The following MYOF variants were observed in gnomAD, a reference collection of about 807,000 sequenced individuals.
MYOF encodes myoferlin, also known as fer-1-like 3, myoferlin.
MYOF carries 244 observed loss-of-function variants against 284.2 expected under a neutral mutation model. The observed-to-expected ratio is 0.86, with a 90% CI of 0.77 to 0.95. The LOEUF (loss-of-function observed/expected upper bound fraction) is 0.95, where lower values mean the gene tolerates loss of function less well. Among genes scored for constraint, MYOF ranks in the 40% least tolerant of loss-of-function variants. The probability of loss-of-function intolerance (pLI) is 0.00; values close to 1 mark genes in which losing one functional copy is unlikely to be tolerated. For missense variants in MYOF, 2,496 were observed against 2,560.6 expected, an observed-to-expected ratio of 0.97 and a Z score of 0.54; for synonymous variants, 904 against 919.7, an observed-to-expected ratio of 0.98 and a Z score of 0.31.
intron 1 of MYOF, among the ~76,000 whole-genome samples, chr10:93,464,446 C>A (rs537019770): frequency 2.6e-5 from 4 of 152,152 alleles, no homozygotes; most frequent in Non-Finnish European, 4.4e-5. Flanking sequence ...GGAAGTAACA[C>A]GATGGTAACA....
intron 4 of MYOF, among the ~76,000 whole-genome samples, chr10:93,427,089 T>C (rs2134197666): frequency 6.6e-6 from 1 of 151,248 alleles, no homozygotes; most frequent in African/African-American, 2.4e-5. Context: ...GGTTTCATCT[T>C]GTTGGCCAGG....
At position 93,340,177 on chromosome 10, in the gene MYOF, A is replaced by G; in HGVS notation, c.4327-13T>C. The G allele has an allele frequency of 2.5e-6, 4 of 1,614,068 alleles. No homozygotes were observed. Among genetic ancestry groups the G allele is most frequent in the Non-Finnish European group, 2.5e-6 (3 of 1,179,946 alleles). ...CCTTTTCTGTCAGCTGCTCGTGCAC[A>G]TGTCCCGTGAGGAAGAGGGCAAACC... On this transcript the variant is annotated splice_polypyrimidine_tract_variant and intron_variant, in intron 38 of 53. Coordinates refer to ENST00000359263, the MANE Select transcript of MYOF (RefSeq NM_013451.4).
intron 2 of MYOF, 81 bp downstream of exon 2, chr10:93,456,801 A>G (rs2056754966): frequency 4.0e-6 from 4 of 1,006,250 alleles, no homozygotes; most frequent in Non-Finnish European, 6.1e-6. Flanking sequence ...TCCGAAGGGA[A>G]GAGGTAACCT....
intron 1 of MYOF, among the ~76,000 whole-genome samples, chr10:93,468,810 G>T (rs943945392): frequency 6.6e-6 from 1 of 152,248 alleles, no homozygotes. Context: ...CAGAGGGAGA[G>T]CTGGGAGTCA....
intron 5 of MYOF, among the ~76,000 whole-genome samples, chr10:93,417,369 G>A (rs1297861032): frequency 2.0e-5 from 3 of 152,042 alleles, no homozygotes; most frequent in East Asian, 1.9e-4. Flanking sequence ...CTTTCCAGAC[G>A]CTCAGCAGCA....
intron 38 of MYOF, 27 bp downstream of exon 38, chr10:93,343,829 C>A: frequency 6.2e-7 from 1 of 1,610,078 alleles, no homozygotes; most frequent in Non-Finnish European, 8.5e-7. Flanking sequence ...AAACTGACAG[C>A]ATCCACTGAT....
chr10:93,348,858 A>T (rs1844368774), intron 36 of MYOF, among the ~76,000 whole-genome samples: 2 of 152,156 alleles, frequency 1.3e-5, no homozygotes, highest in Non-Finnish European at 2.9e-5. Flanking sequence ...GAATGCACCA[A>T]GCCCTACACT....
At chr10:93,425,880 C>T (rs1848567569) in intron 5 of MYOF, 191 bp downstream of exon 5, 1 of 608,770 alleles carries the variant, frequency 1.6e-6, no homozygotes, top group Admixed American at 2.9e-5. Context: ...TCCCCTCTAC[C>T]TTGAAGGGCA....
chr10:93,308,919 C>G (rs778773883), intron 53 of MYOF, among the ~76,000 whole-genome samples: 1 of 152,120 alleles, frequency 6.6e-6, no homozygotes, highest in Admixed American at 6.5e-5. Flanking sequence ...GCTATGTTGG[C>G]CAGGCTAGTC....
chr10:93,428,902 A>G (rs892126416), intron 4 of MYOF, among the ~76,000 whole-genome samples: 1 of 152,238 alleles, frequency 6.6e-6, no homozygotes, highest in South Asian at 2.1e-4. Flanking sequence ...GCTGTGTTCT[A>G]TAACCTCAGG....
intron 10 of MYOF, 91 bp downstream of exon 10, chr10:93,402,768 TC>T (rs3841653): frequency 0.71 from 778,259 of 1,097,736 alleles, 291,449 homozygotes; most frequent in Middle Eastern, 0.8. Context: ...AATTCTTTGA[TC>T]CCCCCCAAAT....
Position 93,381,331 on chromosome 10 carries a change from A to G in MYOF, c.1764T>C (p.Asp588=). Residue 588 remains aspartate (D), a synonymous_variant, in exon 20 of 54, where the codon GAT becomes GAC. Transcript: ENST00000359263. The stretch of plus-strand genomic sequence containing the variant: ...CTTCAAACTGAATGGCCTCACCAAC[A>G]TCTTGCAACATGGTGGCTGAATGAA... ...AVFHSATMLQ[D]VGEAIQFEVS... 1 of 1,614,234 alleles carries G rather than the reference A, an allele frequency of 6.2e-7. No homozygotes were observed. The highest frequency in any genetic ancestry group is 8.5e-7 in the Non-Finnish European group (1 of 1,180,044).
chr10:93,381,419 A>T, intron 19 of MYOF, 23 bp from the exon 20 acceptor site: 2 of 1,611,580 alleles, frequency 1.2e-6, no homozygotes, highest in Non-Finnish European at 1.7e-6. Context: ...AGCAGACATA[A>T]GGTTCAGTGA....
intron 12 of MYOF, 106 bp downstream of exon 12, chr10:93,401,312 G>C (rs962701156): frequency 6.8e-7 from 1 of 1,478,052 alleles, no homozygotes; most frequent in African/African-American, 1.4e-5. Flanking sequence ...CCTTTCAGAA[G>C]AAAAACATAC....
chr10:93,342,071 T>G (rs1843946535), intron 38 of MYOF: 2 of 722,942 alleles, frequency 2.8e-6, no homozygotes, highest in Non-Finnish European at 4.1e-6. Context: ...CTCACTTTTC[T>G]TGTGATAGTG....
chr10:93,309,466 A>G (rs1053143635), intron 53 of MYOF, among the ~76,000 whole-genome samples: 1 of 152,168 alleles, frequency 6.6e-6, no homozygotes, highest in Non-Finnish European at 1.5e-5. Flanking sequence ...GTTATACGTG[A>G]CATGAGCCTT....
chr10:93,350,634 G>A (rs533709698), intron 35 of MYOF, among the ~76,000 whole-genome samples: 21 of 152,220 alleles, frequency 1.4e-4, no homozygotes, highest in African/African-American at 3.6e-4. Context: ...TTCTTAACAC[G>A]GTGTCTGACA....
At chr10:93,393,034 C>A in intron 16 of MYOF, 79 bp from the exon 17 acceptor site, 1 of 1,283,756 alleles carries the variant, frequency 7.8e-7, no homozygotes, top group Non-Finnish European at 1.1e-6. Context: ...TTAATCAAAT[C>A]CAGTGCCAGG....
intron 17 of MYOF, among the ~76,000 whole-genome samples, chr10:93,389,609 A>T (rs997032702): frequency 6.6e-6 from 1 of 152,236 alleles, no homozygotes; most frequent in Non-Finnish European, 1.5e-5. Flanking sequence ...GATGCTGTTA[A>T]AAATATAAGA....
Sources: allele counts gnomAD v4.1 joint callset (sites outside exome capture counted in the v4.1 genomes callset), GRCh38; gene constraint gnomAD v4.1.1; transcripts MANE v1.5; gene names NCBI Gene and HGNC (gene_info 2026-07-23, HGNC 2026-07-21).